Variants in MLLT1 observed in about 807,000 individuals in gnomAD.
MLLT1 encodes protein ENL.
A neutral mutation model predicts 55.1 loss-of-function variants in MLLT1; 11 were observed. The observed-to-expected ratio is 0.20, with a 90% CI of 0.13 to 0.33. The LOEUF is 0.33. Ranked by LOEUF, MLLT1 falls within the 10% of genes least tolerant of loss-of-function variation. The pLI is 1.00. For synonymous variants in MLLT1, 323 were observed against 320.1 expected (o/e 1.01, Z -0.10); for missense variants, 536 against 760.6 (o/e 0.70, Z 3.47).
intron 3 of MLLT1, among the ~76,000 whole-genome samples, chr19:6,246,698 T>TA (rs2091171834): frequency 1.3e-5 from 2 of 152,082 alleles, no homozygotes; most frequent in South Asian, 4.1e-4. Context: ...TCCCGGTAGA[T>TA]ACACGACTCT....
At chr19:6,258,984 T>C (rs2091281015) in intron 3 of MLLT1, among the ~76,000 whole-genome samples, 1 of 152,164 alleles carries the variant, frequency 6.6e-6, no homozygotes, top group African/African-American at 2.4e-5. Flanking sequence ...CTCTTAATCT[T>C]CCTGATGCCT....
intron 9 of MLLT1, 62 bp downstream of exon 9, chr19:6,213,877 A>C: frequency 6.5e-7 from 1 of 1,544,028 alleles, no homozygotes; most frequent in Non-Finnish European, 8.8e-7. Flanking sequence ...CTCCTAGGAC[A>C]GCCCGGCCCA....
chr19:6,227,604 G>A lies in MLLT1; in HGVS notation c.421-502C>T, dbSNP rs1301338424. ...GTCCTTGGTGTGCGGTGACTGCAGC[G>A]GACCCGAACAGGGCAAGAGCACCCA... On this transcript the variant is annotated intron_variant, in intron 4 of 11. Transcript: ENST00000252674. The surrounding 1 kb of genome is among the most constrained non-coding windows in gnomAD (Gnocchi z 5.1). 3.3e-5 allele frequency among the ~76,000 whole-genome samples: 5 copies of A among 152,198 alleles called. No homozygotes were observed. Among genetic ancestry groups the A allele is most frequent in the Middle Eastern group, 3.2e-3 (1 of 316 alleles).
rs1158721921 is a variant in MLLT1, at chr19:6,222,349, C to A, written c.882G>T (p.Lys294Asn). 2.0e-6 allele frequency: 3 copies of A among 1,492,460 alleles called. No individual in the cohort carries two copies. The highest frequency in any genetic ancestry group is 3.1e-5 in the African/African-American group (2 of 64,328). The allele number at this position is 1,492,460 out of a possible 1,614,324, so 92.5% of individuals were successfully genotyped here. The change falls in exon 6 of 12, where the codon AAG (lysine) becomes AAT (asparagine). Residue 294 changes from lysine (K) to asparagine (N), a missense_variant. By Grantham distance (94) the Lys-to-Asn change is moderately conservative. Transcript: ENST00000252674. The surrounding 1 kb of genome is among the most constrained non-coding windows in gnomAD (Gnocchi z 4.1). Reference protein sequence around the residue: ...SKRPATADSPKPSAKKQKKSS... With the variant: ...SKRPATADSPNPSAKKQKKSS... ...TCTTCTTCTGCTTCTTGGCGCTGGG[C>A]TTTGGCGAGTCGGCGGTGGCCGGCC...
chr19:6,262,145 G>A lies in MLLT1; in HGVS notation c.276+83C>T. 10 of 1,072,046 alleles carry A rather than the reference G, an allele frequency of 9.3e-6. No individual in the cohort carries two copies. In the South Asian group the frequency reaches 1.0e-4, roughly 11 times the overall value. The allele number at this position is 1,072,046 out of a possible 1,614,324, so 66.4% of individuals were successfully genotyped here. Reference sequence around the variant, plus strand: ...GTGCATGGGCAGCGGCCAGTTCTCTGGCCTGTTTTGTGAACTGCCGTGGCA... The same window carrying A: ...GTGCATGGGCAGCGGCCAGTTCTCTAGCCTGTTTTGTGAACTGCCGTGGCA... On this transcript the variant is annotated intron_variant, in intron 3 of 11. Transcript: ENST00000252674. This position sits in a 1 kb window ranked among gnomAD's most constrained non-coding sequence, Gnocchi z 4.4.
intron 2 of MLLT1, among the ~76,000 whole-genome samples, chr19:6,266,148 G>A (rs1254908578): frequency 6.6e-6 from 1 of 151,580 alleles, no homozygotes; most frequent in African/African-American, 2.4e-5. Context: ...GTATGGTGGC[G>A]GGCCAGTAGT....
chr19:6,270,827 C>G lies in MLLT1; in HGVS notation c.13-68G>C, dbSNP rs2091389528. 2.5e-5 allele frequency: 36 copies of G among 1,462,838 alleles called. No individual in the cohort carries two copies. Among genetic ancestry groups the G allele is most frequent in the Non-Finnish European group, 3.3e-5 (36 of 1,084,618 alleles). The allele number at this position is 1,462,838 out of a possible 1,614,324, so 90.6% of individuals were successfully genotyped here. A position where few individuals can be genotyped will look rare whatever the true frequency, so the allele number is the denominator to read the frequency against. Reference sequence around the variant, plus strand: ...CCAAGCAGGGGACTGTCCCCTTACCCACAGAGAACTTTCGATAAAGACCCC... The same window carrying G: ...CCAAGCAGGGGACTGTCCCCTTACCGACAGAGAACTTTCGATAAAGACCCC... On this transcript the variant is annotated intron_variant, in intron 1 of 11. Coordinates refer to ENST00000252674, the MANE Select transcript of MLLT1 (RefSeq NM_005934.4). This position sits in a 1 kb window ranked among gnomAD's most constrained non-coding sequence, Gnocchi z 7.1.
chr19:6,232,870 C>T (rs2091025089), intron 3 of MLLT1, among the ~76,000 whole-genome samples: 1 of 152,210 alleles, frequency 6.6e-6, no homozygotes, highest in African/African-American at 2.4e-5. Flanking sequence ...TCACAACGCA[C>T]TTTGTTAAAA....
Position 6,270,969 on chromosome 19 carries a change from G to A in MLLT1, c.13-210C>T, listed in dbSNP as rs578079998. 1.3e-5 allele frequency among the ~76,000 whole-genome samples: 2 copies of A among 151,992 alleles called. No homozygotes were observed. Among genetic ancestry groups the A allele is most frequent in the African/African-American group, 2.4e-5 (1 of 41,392 alleles). On this transcript the variant is annotated intron_variant, in intron 1 of 11. Transcript: ENST00000252674. The surrounding 1 kb of genome is among the most constrained non-coding windows in gnomAD (Gnocchi z 7.1). ...CCCTCCGTACTCCCACACAGACCCC[G>A]TGTCTCCTCTCATCCACCGCCTCAT...
intron 3 of MLLT1, among the ~76,000 whole-genome samples, chr19:6,241,572 GCCGTCCCA>G (rs1360081140): frequency 6.6e-6 from 1 of 152,246 alleles, no homozygotes; most frequent in Non-Finnish European, 1.5e-5. Flanking sequence ...GGGCCTCTGG[GCCGTCCCA>G]CCGTCCCAGC....
At position 6,230,844 on chromosome 19, in the gene MLLT1, TTC is replaced by T; in HGVS notation, c.277-133_277-132del. The T allele has an allele frequency of 8.4e-7, 1 of 1,187,862 alleles. No homozygotes were observed. Among genetic ancestry groups the T allele is most frequent in the Non-Finnish European group, 1.2e-6 (1 of 840,816 alleles). The allele number at this position is 1,187,862 out of a possible 1,614,324, so 73.6% of individuals were successfully genotyped here. ...TCCCCTCCCTCCGATTTGCGCCCAC[TTC>T]TCTCTCAGGGCACCTCCTGCCCTGC... On this transcript the variant is annotated intron_variant, in intron 3 of 11. Transcript: ENST00000252674. The surrounding 1 kb of genome is among the most constrained non-coding windows in gnomAD (Gnocchi z 9.0).
rs1407683582 is a variant in MLLT1, at chr19:6,211,867, C to T, written c.*1175G>A. The T allele has an allele frequency of 5.6e-6, 6 of 1,063,938 alleles. No homozygotes were observed. The Admixed American group carries it at 1.6e-4, about 29-fold the overall frequency. The allele number at this position is 1,063,938 out of a possible 1,614,324, so 65.9% of individuals were successfully genotyped here. On this transcript the variant is annotated 3_prime_UTR_variant, in exon 12 of 12. Transcript: ENST00000252674. The surrounding 1 kb of genome is among the most constrained non-coding windows in gnomAD (Gnocchi z 4.6). ...CATACCAGGAGTGGGGCTGCGGGCG[C>T]GGCACCAGCATGAATTGCGGCGGTG... is the stretch of plus-strand genomic sequence containing the variant.
rs1271331690 is a variant in MLLT1 at position 6,212,157 on chromosome 19, G to A, written c.*885C>T. ...CAGGGCGGCTGATGCGAGTCTGTCC[G>A]CGGAGACTGTTGGCGCTAGTCTGAG... On this transcript the variant is annotated 3_prime_UTR_variant, in exon 12 of 12. Coordinates refer to ENST00000252674, the MANE Select transcript of MLLT1 (RefSeq NM_005934.4). 5.6e-6 allele frequency: 6 copies of A among 1,066,064 alleles called. No homozygotes were observed. The highest frequency in any genetic ancestry group is 9.9e-5 in the East Asian group (2 of 20,176). The allele number at this position is 1,066,064 out of a possible 1,614,324, so 66.0% of individuals were successfully genotyped here.
chr19:6,239,007 AGCTG>A (rs1312553321), intron 3 of MLLT1, among the ~76,000 whole-genome samples: 1 of 152,232 alleles, frequency 6.6e-6, no homozygotes, highest in Non-Finnish European at 1.5e-5. Context: ...CTCTCTCACC[AGCTG>A]CTAGGAGAGG....
intron 3 of MLLT1, among the ~76,000 whole-genome samples, chr19:6,257,486 AAAAC>A (rs1337644585): frequency 6.6e-6 from 1 of 152,084 alleles, no homozygotes; most frequent in Non-Finnish European, 1.5e-5. Flanking sequence ...CACAACAACA[AAAAC>A]AAACAACCTA....
At chr19:6,254,452 G>A (rs13382119) in intron 3 of MLLT1, among the ~76,000 whole-genome samples, 42,761 of 152,144 alleles carry the variant, frequency 0.28, 6,978 homozygotes, top group African/African-American at 0.44. Flanking sequence ...ATTTATGGCC[G>A]GTTGAGTACA....
Position 6,222,322 on chromosome 19 carries a change from G to A in MLLT1, c.909C>T (p.Ser303=). ...PKPSAKKQKK[S]SSKGSRSAPG... is the part of the protein sequence containing the mutation. The stretch of plus-strand genomic sequence containing the variant: ...GAGCACTCCGGGACCCCTTCGAGCT[G>A]CTCTTCTTCTGCTTCTTGGCGCTGG... Residue 303 remains serine (S), a synonymous_variant, in exon 6 of 12, where the codon AGC becomes AGT. Transcript: ENST00000252674. This position sits in a 1 kb window ranked among gnomAD's most constrained non-coding sequence, Gnocchi z 4.1. The A allele has an allele frequency of 1.3e-6, 2 of 1,565,492 alleles. No individual in the cohort carries two copies. The highest frequency in any genetic ancestry group is 8.7e-7 in the Non-Finnish European group (1 of 1,155,122).
At chr19:6,218,621 C>T (rs954900577) in intron 6 of MLLT1, among the ~76,000 whole-genome samples, 11 of 152,186 alleles carry the variant, frequency 7.2e-5, no homozygotes, top group Non-Finnish European at 5.9e-5. Flanking sequence ...CCGGCCCCAC[C>T]CGCCTCCTCC....
chr19:6,210,835 A>G lies in MLLT1; in HGVS notation c.*2207T>C, dbSNP rs147042081. 2,173 of 230,022 alleles carry G rather than the reference A, an allele frequency of 9.4e-3. 29 individuals carry two copies. The highest frequency in any genetic ancestry group is 0.036 in the African/African-American group (1,636 of 45,208). The allele number at this position is 230,022 out of a possible 1,614,324, so 14.2% of individuals were successfully genotyped here. ...GCTGCCTTGGGAGCCCATGCTGCCC[A>G]GCACGTCCATCAGGTGGTCACGGAG... is the stretch of plus-strand genomic sequence containing the variant. On this transcript the variant is annotated 3_prime_UTR_variant, in exon 12 of 12. Transcript: ENST00000252674. The surrounding 1 kb of genome is among the most constrained non-coding windows in gnomAD (Gnocchi z 4.6).
Sources: gnomAD v4.1 joint callset for allele counts (sites outside exome capture counted in the v4.1 genomes callset) on GRCh38, gnomAD v4.1.1 for gene constraint, Gnocchi (gnomAD v3.1) non-coding constraint, MANE v1.5 for transcripts, NCBI Gene and HGNC (gene_info 2026-07-23, HGNC 2026-07-21) for gene names.